The following CCND2 variants were observed in gnomAD, a reference collection of about 807,000 sequenced individuals.
The protein encoded by CCND2 is G1/S-specific cyclin-D2.
A neutral mutation model predicts 30.2 loss-of-function variants in CCND2; 6 were observed. The observed-to-expected ratio is 0.20, with a 90% CI of 0.11 to 0.39. The LOEUF is 0.39. Ranked by LOEUF, CCND2 falls within the 10% of genes least tolerant of loss-of-function variation. The pLI is 1.00. For missense variants in CCND2, 235 were observed against 373.4 expected (o/e 0.63, Z 3.06); for synonymous variants, 150 against 153.1 (o/e 0.98, Z 0.15).
Position 4,274,031 on chromosome 12 carries a change from C to G in CCND2, c.-10C>G, listed in dbSNP as rs781537746. ...GGAAAGCAGGAGGGAGAGGGGCCGCCGGGCTGGCCATGGAGCTGCTGTGCC... is the reference window on the plus strand; with the variant it reads ...GGAAAGCAGGAGGGAGAGGGGCCGCGGGGCTGGCCATGGAGCTGCTGTGCC... On this transcript the variant is annotated 5_prime_UTR_variant, in exon 1 of 5. Coordinates refer to ENST00000261254, the MANE Select transcript of CCND2 (RefSeq NM_001759.4). The surrounding 1 kb of genome is among the most constrained non-coding windows in gnomAD (Gnocchi z 7.7). 6.2e-7 allele frequency: 1 copy of G among 1,606,542 alleles called. No homozygotes were observed. The highest frequency in any genetic ancestry group is 1.9e-4 in the Middle Eastern group (1 of 5,258).
In CCND2 at chr12:4,299,978, C is replaced by G; in HGVS notation, c.839C>G (p.Thr280Ser). 2 of 1,614,064 alleles carry G rather than the reference C, an allele frequency of 1.2e-6. No individual in the cohort carries two copies. The highest frequency in any genetic ancestry group is 1.7e-6 in the Non-Finnish European group (2 of 1,179,986). The change falls in exon 5 of 5, where the codon ACC becomes AGC. Residue 280 changes from threonine to serine, a missense_variant. Coordinates refer to ENST00000261254, the MANE Select transcript of CCND2 (RefSeq NM_001759.4). This position sits in a 1 kb window ranked among gnomAD's most constrained non-coding sequence, Gnocchi z 5.2. ...GAGGATGAACTGGACCAAGCCAGCA[C>G]CCCTACAGACGTGCGGGATATCGAC... The part of the protein sequence containing the change: ...KSEDELDQAS[T>S]PTDVRDIDL
rs1231279230 is a variant in CCND2, at chr12:4,282,216, C to A, written c.571+3297C>A. Among the ~76,000 whole-genome samples the A allele has an allele frequency of 6.6e-6, 1 of 152,164 alleles. No homozygotes were observed. The highest frequency in any genetic ancestry group is 1.5e-5 in the Non-Finnish European group (1 of 68,028). On this transcript the variant is annotated intron_variant, in intron 3 of 4. Transcript: ENST00000261254. This position sits in a 1 kb window ranked among gnomAD's most constrained non-coding sequence, Gnocchi z 4.3. ...CAGAGCCAATGGCATTGAGTTTACACCTGGCACCGGGTAGGGGGAGGTGCT... is the reference window on the plus strand; with the variant it reads ...CAGAGCCAATGGCATTGAGTTTACAACTGGCACCGGGTAGGGGGAGGTGCT...
chr12:4,298,114 T>G (rs1350250156), intron 4 of CCND2: 1 of 163,032 alleles, frequency 6.1e-6, no homozygotes, highest in Non-Finnish European at 1.4e-5. Context: ...TATATCAGTA[T>G]CATCTCAGTT....
At chr12:4,283,826 T>G (rs573033124) in intron 3 of CCND2, among the ~76,000 whole-genome samples, 2 of 152,352 alleles carry the variant, frequency 1.3e-5, no homozygotes, top group East Asian at 3.9e-4. Flanking sequence ...GGGTTAGAGT[T>G]GCCAACTTCT....
At position 4,285,738 on chromosome 12, in the gene CCND2, G is replaced by T. The variant is rs1864014543; in HGVS notation, c.572-3104G>T. Among the ~76,000 whole-genome samples, 1 of 152,244 alleles carries T rather than the reference G, an allele frequency of 6.6e-6. No individual in the cohort carries two copies. Among genetic ancestry groups the T allele is most frequent in the South Asian group, 2.1e-4 (1 of 4,836 alleles). On this transcript the variant is annotated intron_variant, in intron 3 of 4. Coordinates refer to ENST00000261254, the MANE Select transcript of CCND2 (RefSeq NM_001759.4). This position sits in a 1 kb window ranked among gnomAD's most constrained non-coding sequence, Gnocchi z 4.1. ...GAGCTTTCCACAGTTGAGGGTGGGG[G>T]TTGGCTAATTACAGCTAGGAAGCTA...
chr12:4,276,000 T>G lies in CCND2; in HGVS notation c.196-5T>G. ...CCCCCCAACCCTTTCCCACTCCCAT[T>G]ATAGGTCTGTGAGGAACAGAAGTGC... is the stretch of plus-strand genomic sequence containing the variant. On this transcript the variant is annotated splice_polypyrimidine_tract_variant and splice_region_variant and intron_variant, in intron 1 of 4. Coordinates refer to ENST00000261254, the MANE Select transcript of CCND2 (RefSeq NM_001759.4). 6.6e-7 allele frequency: 1 copy of G among 1,517,170 alleles called. No individual in the cohort carries two copies. The allele number at this position is 1,517,170 out of a possible 1,614,324, so 94.0% of individuals were successfully genotyped here. A position where few individuals can be genotyped will look rare whatever the true frequency, so the allele number is the denominator to read the frequency against.
intron 3 of CCND2, among the ~76,000 whole-genome samples, chr12:4,283,425 G>A (rs1863979765): frequency 6.6e-6 from 1 of 152,226 alleles, no homozygotes; most frequent in African/African-American, 2.4e-5. Context: ...GAGCTGGTCA[G>A]CTTCCAGTAA....
chr12:4,274,121 G>T lies in CCND2; in HGVS notation c.81G>T (p.Leu27=). 1 of 1,614,076 alleles carries T rather than the reference G, an allele frequency of 6.2e-7. No individual in the cohort carries two copies. Among genetic ancestry groups the T allele is most frequent in the South Asian group, 1.1e-5 (1 of 91,080 alleles). ...DRNLLRDDRV[L]QNLLTIEERY... is the part of the protein sequence containing the mutation. Reference sequence around the variant, plus strand: ...ACCTGCTCCGAGACGACCGCGTCCTGCAGAACCTGCTCACCATCGAGGAGC... The same window carrying T: ...ACCTGCTCCGAGACGACCGCGTCCTTCAGAACCTGCTCACCATCGAGGAGC... Residue 27 remains leucine (L), a synonymous_variant, in exon 1 of 5, where the codon CTG becomes CTT. Coordinates refer to ENST00000261254, the MANE Select transcript of CCND2 (RefSeq NM_001759.4). The surrounding 1 kb of genome is among the most constrained non-coding windows in gnomAD (Gnocchi z 7.7).
At position 4,302,860 on chromosome 12, in the gene CCND2, T is replaced by G. The variant is rs1244993633; in HGVS notation, c.*2851T>G. 1 of 233,138 alleles carries G rather than the reference T, an allele frequency of 4.3e-6. No individual in the cohort carries two copies. The highest frequency in any genetic ancestry group is 2.2e-5 in the African/African-American group (1 of 45,396). 14.4% of individuals were successfully genotyped at this position (233,138 alleles called of 1,614,324 possible). On this transcript the variant is annotated 3_prime_UTR_variant, in exon 5 of 5. Coordinates refer to ENST00000261254, the MANE Select transcript of CCND2 (RefSeq NM_001759.4). ...TTCTAGGGGATTTCTGGTGGGACAA[T>G]GGGTGGTGAATTCTGAAGTTTTGGA...
chr12:4,297,570 C>CAAAAAAAAAAAAAA (rs71061177), intron 4 of CCND2, among the ~76,000 whole-genome samples: 1 of 74,786 alleles, frequency 1.3e-5, no homozygotes, highest in Non-Finnish European at 2.4e-5. Flanking sequence ...CACTCTGTCT[C>CAAAAAAAAAAAAAA]AAAAAAAAAA....
chr12:4,288,930 G>C lies in CCND2; in HGVS notation c.660G>C (p.Val220=). ...AICGLQQDEE[V]SSLTCDALTE... is the part of the protein sequence containing the mutation. ...GTGGGCTCCAGCAGGATGAGGAAGT[G>C]AGCTCGCTCACTTGTGATGCCCTGA... Residue 220 remains valine, a synonymous_variant, in exon 4 of 5, where the codon GTG becomes GTC. Coordinates refer to ENST00000261254, the MANE Select transcript of CCND2 (RefSeq NM_001759.4). 2 of 1,613,934 alleles carry C rather than the reference G, an allele frequency of 1.2e-6. No homozygotes were observed. Among genetic ancestry groups the C allele is most frequent in the Non-Finnish European group, 1.7e-6 (2 of 1,179,952 alleles).
chr12:4,304,228 G>A lies in CCND2; in HGVS notation c.*4219G>A. The A allele has an allele frequency of 4.3e-6, 1 of 233,702 alleles. No individual in the cohort carries two copies. The highest frequency in any genetic ancestry group is 8.5e-6 in the Non-Finnish European group (1 of 118,030). 14.5% of individuals were successfully genotyped at this position (233,702 alleles called of 1,614,324 possible). A position where few individuals can be genotyped will look rare whatever the true frequency, so the allele number is the denominator to read the frequency against. ...TTCAAGAAGATAATATTGGTAGTGTGGGAATTGGAGGTAGGAAGGGGAGGA... is the reference window on the plus strand; with the variant it reads ...TTCAAGAAGATAATATTGGTAGTGTAGGAATTGGAGGTAGGAAGGGGAGGA... On this transcript the variant is annotated 3_prime_UTR_variant, in exon 5 of 5. Transcript: ENST00000261254. This position sits in a 1 kb window ranked among gnomAD's most constrained non-coding sequence, Gnocchi z 6.2.
At chr12:4,295,158 C>G (rs1282049969) in intron 4 of CCND2, among the ~76,000 whole-genome samples, 2 of 152,248 alleles carry the variant, frequency 1.3e-5, no homozygotes, top group Non-Finnish European at 2.9e-5. Context: ...TGAGCTCTGT[C>G]TCATGGAAGG....
chr12:4,292,417 GCT>G (rs1239341401), intron 4 of CCND2, among the ~76,000 whole-genome samples: 2 of 152,116 alleles, frequency 1.3e-5, no homozygotes, highest in African/African-American at 4.8e-5. Flanking sequence ...AGCTTGCAAT[GCT>G]CTCTGTTACT....
rs988972943 is a variant in CCND2 at position 4,274,687 on chromosome 12, C to A, written c.195+452C>A. Among the ~76,000 whole-genome samples the A allele has an allele frequency of 6.6e-6, 1 of 152,222 alleles. No homozygotes were observed. The highest frequency in any genetic ancestry group is 1.5e-5 in the Non-Finnish European group (1 of 68,042). On this transcript the variant is annotated intron_variant, in intron 1 of 4. Coordinates refer to ENST00000261254, the MANE Select transcript of CCND2 (RefSeq NM_001759.4). This position sits in a 1 kb window ranked among gnomAD's most constrained non-coding sequence, Gnocchi z 7.7. ...CTCAGGTCCCCGCCTGTGGTCGCGA[C>A]TCCGCGCTGGCACTTCACCGGGGAG... is the stretch of plus-strand genomic sequence containing the variant.
chr12:4,280,215 C>G (rs936544265), intron 3 of CCND2, among the ~76,000 whole-genome samples: 4 of 152,384 alleles, frequency 2.6e-5, no homozygotes, highest in Admixed American at 6.5e-5. Flanking sequence ...TGGACCTTCA[C>G]TAATTGTGAA....
chr12:4,286,163 T>A (rs1864019866), intron 3 of CCND2, among the ~76,000 whole-genome samples: 2 of 152,330 alleles, frequency 1.3e-5, no homozygotes, highest in South Asian at 4.1e-4. Flanking sequence ...CGAACAATAT[T>A]TACTCTTAAC....
In CCND2 at chr12:4,305,047, GTTA is replaced by G. The variant is rs1433057904; in HGVS notation, c.*5041_*5043del. On this transcript the variant is annotated 3_prime_UTR_variant, in exon 5 of 5. Coordinates refer to ENST00000261254, the MANE Select transcript of CCND2 (RefSeq NM_001759.4). This position sits in a 1 kb window ranked among gnomAD's most constrained non-coding sequence, Gnocchi z 6.4. Reference sequence around the variant, plus strand: ...AAGTGTGATGCCATATCAAGTCCATGTTATTCTCTCACAGTGTACTCTATAAGA... The same window carrying G: ...AAGTGTGATGCCATATCAAGTCCATGTTCTCTCACAGTGTACTCTATAAGA... The G allele has an allele frequency of 4.4e-6, 1 of 226,506 alleles. No homozygotes were observed. Among genetic ancestry groups the G allele is most frequent in the Non-Finnish European group, 8.6e-6 (1 of 116,528 alleles). 14.0% of individuals were successfully genotyped at this position (226,506 alleles called of 1,614,324 possible).
Position 4,287,536 on chromosome 12 carries a change from A to G in CCND2, c.572-1306A>G, listed in dbSNP as rs1003382979. 5.9e-5 allele frequency among the ~76,000 whole-genome samples: 9 copies of G among 152,170 alleles called. No individual in the cohort carries two copies. Among genetic ancestry groups the G allele is most frequent in the African/African-American group, 1.9e-4 (8 of 41,404 alleles). ...CTAGAGCAATGCTAAAACGAGAAAG[A>G]GTACGCTTTGGAAGACTTGCTGCAC... On this transcript the variant is annotated intron_variant, in intron 3 of 4. Transcript: ENST00000261254. The surrounding 1 kb of genome is among the most constrained non-coding windows in gnomAD (Gnocchi z 4.0).
Sources: allele counts gnomAD v4.1 joint callset (sites outside exome capture counted in the v4.1 genomes callset), GRCh38; gene constraint gnomAD v4.1.1; non-coding constraint Gnocchi (gnomAD v3.1); transcripts MANE v1.5; gene names NCBI Gene and HGNC (gene_info 2026-07-23, HGNC 2026-07-21).